DIAPH2: variants seen among roughly 807,000 people sequenced by gnomAD.
DIAPH2 encodes the protein diaphanous related formin 2.
In DIAPH2, 35 loss-of-function variants were observed where a neutral mutation model predicts 92.7. The observed-to-expected ratio is 0.38, with a 90% CI of 0.29 to 0.50. The LOEUF (loss-of-function observed/expected upper bound fraction) is 0.50, where lower values mean the gene tolerates loss of function less well. Among genes scored for constraint, DIAPH2 ranks in the 20% least tolerant of loss-of-function variants. DIAPH2 has a pLI of 0.94. For synonymous variants in DIAPH2, 301 were observed against 280.4 expected (o/e 1.07, Z -0.73); for missense variants, 701 against 819.5 (o/e 0.86, Z 1.77).
At chrX:97,122,485 A>G (rs895265179) in intron 21 of DIAPH2, among the ~76,000 whole-genome samples, 10 of 111,771 alleles carry the variant, frequency 8.9e-5, no homozygotes, top group African/African-American at 3.3e-4. Flanking sequence ...AAGATCACTT[A>G]GTGATGAAGG....
chrX:96,975,649 A>G (rs891316656), intron 17 of DIAPH2, among the ~76,000 whole-genome samples: 1 of 111,986 alleles, frequency 8.9e-6, no homozygotes, highest in Non-Finnish European at 1.9e-5. Flanking sequence ...GGTAGCTTAT[A>G]AACAACAGAA....
chrX:97,234,599 A>G (rs948207857), intron 22 of DIAPH2, among the ~76,000 whole-genome samples: 2 of 112,186 alleles, frequency 1.8e-5, no homozygotes, highest in African/African-American at 6.5e-5. Flanking sequence ...TTTATAGTCC[A>G]AAAGCAGCCA....
chrX:96,695,907 C>T (rs5949446), intron 1 of DIAPH2, among the ~76,000 whole-genome samples: 6,397 of 111,866 alleles, frequency 0.057, 202 homozygotes, highest in Middle Eastern at 0.16. Context: ...CTCATCACCA[C>T]GTAGTTATGA....
At chrX:97,211,460 G>A (rs1602420267) in intron 22 of DIAPH2, among the ~76,000 whole-genome samples, 1 of 111,744 alleles carries the variant, frequency 8.9e-6, no homozygotes, top group Non-Finnish European at 1.9e-5. Flanking sequence ...GTGGAGAAAA[G>A]CAGGTGATTC....
intron 23 of DIAPH2, among the ~76,000 whole-genome samples, chrX:97,272,699 A>G (rs997520199): frequency 8.9e-6 from 1 of 112,045 alleles, no homozygotes; most frequent in Non-Finnish European, 1.9e-5. Context: ...TATAGAAAAT[A>G]CCAATGAAGA....
intron 4 of DIAPH2, among the ~76,000 whole-genome samples, chrX:96,765,191 ATG>A (rs1310144835): frequency 4.6e-5 from 3 of 65,115 alleles, no homozygotes; most frequent in East Asian, 9.1e-4. Context: ...CCATATTCAC[ATG>A]TTTTTTTTTT....
intron 20 of DIAPH2, among the ~76,000 whole-genome samples, chrX:97,105,249 G>GT (rs751684310): frequency 1.7e-3 from 194 of 111,198 alleles, no homozygotes; most frequent in African/African-American, 6.1e-3. Context: ...AACCTTTTGG[G>GT]TTTTTTTAGC....
intron 20 of DIAPH2, among the ~76,000 whole-genome samples, chrX:97,100,774 A>C (rs188906735): frequency 1.5e-3 from 166 of 112,023 alleles, no homozygotes; most frequent in African/African-American, 5.0e-3. Context: ...AACTGATCCA[A>C]TTTGATACCT....
chrX:96,933,044 G>GA (rs1322127896), intron 10 of DIAPH2, among the ~76,000 whole-genome samples: 1 of 110,950 alleles, frequency 9.0e-6, no homozygotes, highest in African/African-American at 3.3e-5. Flanking sequence ...TCTTCAGCAA[G>GA]ATAAAAGTGG....
chrX:97,339,393 T>G, intron 23 of DIAPH2, among the ~76,000 whole-genome samples: 1 of 110,728 alleles, frequency 9.0e-6, no homozygotes, highest in Non-Finnish European at 1.9e-5. Flanking sequence ...TGGCCACCTG[T>G]AATCCCGGCT....
intron 5 of DIAPH2, among the ~76,000 whole-genome samples, chrX:96,892,312 A>T (rs1170273560): frequency 8.9e-6 from 1 of 112,287 alleles, no homozygotes; most frequent in African/African-American, 3.2e-5. Flanking sequence ...AAGCAGCATT[A>T]TGTGCGGTAT....
chrX:97,528,433 G>A lies in DIAPH2; in HGVS notation c.3242-70820G>A, dbSNP rs763403177. On this transcript the variant is annotated intron_variant, in intron 26 of 26. Transcript: ENST00000324765. ...ACTGCACAGGAAGCACAGTGCCAGC[G>A]TCTGCTTCTGGTGAGGGCTTTAGGT... 6 of 112,362 alleles carry A rather than the reference G, an allele frequency of 5.3e-5. No individual in the cohort carries two copies. In the South Asian group the frequency reaches 1.5e-3, roughly 28 times the overall value. The allele number at this position is 112,362 out of a possible 1,213,427, so 9.3% of individuals were successfully genotyped here.
intron 19 of DIAPH2, among the ~76,000 whole-genome samples, chrX:97,078,158 G>C (rs1014865203): frequency 9.0e-6 from 1 of 111,326 alleles, no homozygotes; most frequent in Non-Finnish European, 1.9e-5. Context: ...TGTGTGAAGG[G>C]AAAAATAAAA....
intron 12 of DIAPH2, among the ~76,000 whole-genome samples, chrX:96,940,310 A>G (rs1262698823): frequency 8.9e-6 from 1 of 112,342 alleles, no homozygotes; most frequent in African/African-American, 3.2e-5. Context: ...TTCAAAATAA[A>G]TGAGTATGAA....
intron 4 of DIAPH2, among the ~76,000 whole-genome samples, chrX:96,846,406 C>T (rs1412910568): frequency 4.5e-5 from 5 of 112,065 alleles, no homozygotes; most frequent in African/African-American, 1.6e-4. Flanking sequence ...ACTTGGCCTC[C>T]CAAAGTGCTG....
intron 24 of DIAPH2, among the ~76,000 whole-genome samples, chrX:97,356,953 A>G (rs183472316): frequency 2.6e-3 from 287 of 112,117 alleles, no homozygotes; most frequent in African/African-American, 8.9e-3. Context: ...ATCTGACAAT[A>G]TAATAATTAA....
intron 19 of DIAPH2, among the ~76,000 whole-genome samples, chrX:97,086,707 A>C (rs2066785786): frequency 9.0e-6 from 1 of 111,667 alleles, no homozygotes; most frequent in South Asian, 3.7e-4. Context: ...ATCAGAGGCC[A>C]CCAAAATTAA....
intron 19 of DIAPH2, among the ~76,000 whole-genome samples, chrX:97,093,661 C>T (rs1373046950): frequency 8.9e-6 from 1 of 111,828 alleles, no homozygotes; most frequent in Non-Finnish European, 1.9e-5. Flanking sequence ...TAAATAGCAT[C>T]AAAGGAGTAC....
intron 26 of DIAPH2, among the ~76,000 whole-genome samples, chrX:97,508,447 C>A (rs1456248444): frequency 4.5e-5 from 5 of 111,722 alleles, no homozygotes; most frequent in South Asian, 3.7e-4. Flanking sequence ...AGATTCTTGA[C>A]CTTTGTCAAG....
Sources: allele counts gnomAD v4.1 joint callset (sites outside exome capture counted in the v4.1 genomes callset), GRCh38; gene constraint gnomAD v4.1.1; transcripts MANE v1.5; gene names NCBI Gene and HGNC (gene_info 2026-07-23, HGNC 2026-07-21).